The following RAPGEF6 variants were observed in gnomAD, a reference collection of about 807,000 sequenced individuals.
RAPGEF6 encodes PDZ domain containing guanine nucleotide exchange factor (GEF) 2.
A neutral mutation model predicts 171.4 loss-of-function variants in RAPGEF6; 56 were observed. The ratio of observed to expected loss-of-function variants is 0.33; its 90% CI spans 0.26 to 0.41. The LOEUF is 0.41. Ranked by LOEUF, RAPGEF6 falls within the 10% of genes least tolerant of loss-of-function variation. RAPGEF6 has a pLI of 1.00. For synonymous variants in RAPGEF6, 692 were observed against 650.1 expected, an observed-to-expected ratio of 1.06 and a Z score of -0.98; for missense variants, 1,674 against 1,921.4, an observed-to-expected ratio of 0.87 and a Z score of 2.41.
chr5:131,532,555 C>T (rs1214558723), intron 6 of RAPGEF6, among the ~76,000 whole-genome samples: 2 of 152,072 alleles, frequency 1.3e-5, no homozygotes, highest in Admixed American at 6.6e-5. Context: ...ATAGCTTTGT[C>T]TTTTCTTCAA....
At chr5:131,440,737 C>CAAAAAAAAAAAA (rs1168441695) in intron 23 of RAPGEF6, among the ~76,000 whole-genome samples, 3 of 66,850 alleles carry the variant, frequency 4.5e-5, no homozygotes, top group Non-Finnish European at 9.4e-5. Context: ...GACTCTGTCT[C>CAAAAAAAAAAAA]AAAAAAAAAA....
chr5:131,517,077 A>G (rs965753887), intron 7 of RAPGEF6, among the ~76,000 whole-genome samples: 1 of 152,206 alleles, frequency 6.6e-6, no homozygotes, highest in Non-Finnish European at 1.5e-5. Context: ...TTGGGTACAC[A>G]TGGACCTAAA....
At chr5:131,608,091 T>G (rs1356777235) in intron 1 of RAPGEF6, among the ~76,000 whole-genome samples, 1 of 152,186 alleles carries the variant, frequency 6.6e-6, no homozygotes. Context: ...GAGGGAGTGG[T>G]GCTACTGGCA....
intron 4 of RAPGEF6, among the ~76,000 whole-genome samples, chr5:131,573,448 C>T (rs955119455): frequency 2.6e-5 from 4 of 152,086 alleles, no homozygotes; most frequent in African/African-American, 9.7e-5. Flanking sequence ...GTCCTACAAT[C>T]TAACCTGGAG....
In RAPGEF6 at chr5:131,455,767, T is replaced by C. The variant is rs371242661; in HGVS notation, c.3076+34A>G. ...ATTCAGGTAGACTTTAGATAAACCATGTGGTAAAACATCAATAAATAATGT... is the reference window on the plus strand; with the variant it reads ...ATTCAGGTAGACTTTAGATAAACCACGTGGTAAAACATCAATAAATAATGT... On this transcript the variant is annotated intron_variant, in intron 20 of 27. Coordinates refer to ENST00000509018, the MANE Select transcript of RAPGEF6 (RefSeq NM_016340.6). 19 of 1,551,804 alleles carry C rather than the reference T, an allele frequency of 1.2e-5. No individual in the cohort carries two copies. The African/African-American group carries it at 1.5e-4, about 12-fold the overall frequency.
chr5:131,479,906 T>C (rs930838774), intron 15 of RAPGEF6, among the ~76,000 whole-genome samples, 153 bp from the exon 16 acceptor site: 1 of 152,208 alleles, frequency 6.6e-6, no homozygotes, highest in Non-Finnish European at 1.5e-5. Context: ...TACCCGTCCT[T>C]TAGCAGCTAT....
intron 20 of RAPGEF6, among the ~76,000 whole-genome samples, chr5:131,453,949 G>C (rs574580504): frequency 1.3e-5 from 2 of 152,204 alleles, no homozygotes; most frequent in Non-Finnish European, 2.9e-5. Flanking sequence ...AGAAGAGGCA[G>C]TAAGACTACA....
chr5:131,531,542 G>A (rs1349987694), intron 6 of RAPGEF6, among the ~76,000 whole-genome samples: 12 of 151,974 alleles, frequency 7.9e-5, no homozygotes, highest in Non-Finnish European at 1.8e-4. Flanking sequence ...GCTGCTAATG[G>A]TTTACTATCT....
chr5:131,481,641 A>C (rs1755491374), intron 15 of RAPGEF6, among the ~76,000 whole-genome samples: 1 of 152,236 alleles, frequency 6.6e-6, no homozygotes, highest in South Asian at 2.1e-4. Flanking sequence ...TGCCTACACC[A>C]AATTTTTGCC....
At chr5:131,435,730 A>T in intron 24 of RAPGEF6, 1 of 850,050 alleles carries the variant, frequency 1.2e-6, no homozygotes, top group Non-Finnish European at 1.6e-6. Context: ...AGATCCAGCT[A>T]ACAGTAGGAA....
chr5:131,603,113 CT>C (rs1318719541), intron 3 of RAPGEF6, among the ~76,000 whole-genome samples, 157 bp downstream of exon 3: 3 of 152,094 alleles, frequency 2.0e-5, no homozygotes, highest in African/African-American at 7.2e-5. Context: ...GCTTTGTACA[CT>C]TTTGGTGGAT....
chr5:131,562,247 A>T lies in RAPGEF6; in HGVS notation c.282-200T>A, dbSNP rs191078670. Among the ~76,000 whole-genome samples the T allele has an allele frequency of 7.4e-4, 112 of 152,134 alleles. 1 individual carries two copies. The East Asian group carries it at 0.019, about 25-fold the overall frequency. On this transcript the variant is annotated intron_variant, in intron 4 of 27. Coordinates refer to ENST00000509018, the MANE Select transcript of RAPGEF6 (RefSeq NM_016340.6). ...TCTCTTAATTGTCCAGATATAACTG[A>T]TCTCAATACTATATGAAAATTCTTT...
At chr5:131,591,091 A>G (rs879310741) in intron 4 of RAPGEF6, among the ~76,000 whole-genome samples, 1 of 152,222 alleles carries the variant, frequency 6.6e-6, no homozygotes, top group Non-Finnish European at 1.5e-5. Context: ...CCAATGATGT[A>G]AAGTTTCAGG....
intron 19 of RAPGEF6, among the ~76,000 whole-genome samples, chr5:131,458,480 T>C (rs895305432): frequency 1.3e-5 from 2 of 152,214 alleles, no homozygotes; most frequent in Admixed American, 6.5e-5. Flanking sequence ...CAGGTATTTC[T>C]ATACAGCAGT....
At chr5:131,493,199 G>C (rs551487701) in intron 13 of RAPGEF6, among the ~76,000 whole-genome samples, 28 of 152,150 alleles carry the variant, frequency 1.8e-4, no homozygotes, top group African/African-American at 6.3e-4. Context: ...CGAGTAGCTG[G>C]GACTACAGGC....
At position 131,472,761 on chromosome 5, in the gene RAPGEF6, T is replaced by C. The variant is rs1754836364; in HGVS notation, c.2082-17A>G. 1.9e-6 allele frequency: 3 copies of C among 1,593,098 alleles called. No homozygotes were observed. The highest frequency in any genetic ancestry group is 1.7e-6 in the Non-Finnish European group (2 of 1,161,110). Reference sequence around the variant, plus strand: ...CCTCCATCACTTCAAAAGAATGTCATATATCACTTTAAAGTATTTGAGAGT... The same window carrying C: ...CCTCCATCACTTCAAAAGAATGTCACATATCACTTTAAAGTATTTGAGAGT... On this transcript the variant is annotated splice_polypyrimidine_tract_variant and intron_variant, in intron 16 of 27. Transcript: ENST00000509018.
At chr5:131,541,563 C>T (rs1267252066) in intron 6 of RAPGEF6, among the ~76,000 whole-genome samples, 1 of 150,426 alleles carries the variant, frequency 6.6e-6, no homozygotes, top group Middle Eastern at 3.4e-3. Flanking sequence ...TGCTTTGTTG[C>T]ACAGCTTGGT....
At chr5:131,512,368 T>TTC (rs1554077424) in intron 7 of RAPGEF6, among the ~76,000 whole-genome samples, 10 of 146,670 alleles carry the variant, frequency 6.8e-5, no homozygotes, top group Middle Eastern at 7.1e-3. Flanking sequence ...TTACATTTTT[T>TTC]TTCTTCTTTT....
intron 4 of RAPGEF6, among the ~76,000 whole-genome samples, chr5:131,589,464 A>G (rs1763461813): frequency 6.6e-6 from 1 of 152,204 alleles, no homozygotes; most frequent in African/African-American, 2.4e-5. Context: ...TAAGAACTCC[A>G]TTTGTATAAA....
Sources: gnomAD v4.1 joint callset for allele counts (sites outside exome capture counted in the v4.1 genomes callset) on GRCh38, gnomAD v4.1.1 for gene constraint, MANE v1.5 for transcripts, NCBI Gene and HGNC (gene_info 2026-07-23, HGNC 2026-07-21) for gene names.